Variants in DNAH7 observed in about 807,000 individuals in gnomAD.
DNAH7 encodes the protein axonemal beta dynein heavy chain 7.
Under a neutral mutation model 444.6 loss-of-function variants are expected in DNAH7, and 397 were observed. That is an observed-to-expected ratio of 0.89 (90% confidence interval 0.82 to 0.97). The LOEUF is 0.97. DNAH7 is among the 50% of genes least tolerant of loss of function. The pLI, the probability that DNAH7 is intolerant of heterozygous loss-of-function variation, is 0.00. For synonymous variants in DNAH7, 1,636 were observed against 1,624.4 expected (o/e 1.01, Z -0.17); for missense variants, 4,902 against 4,800.8 (o/e 1.02, Z -0.62).
At chr2:196,024,368 A>G in intron 8 of DNAH7, 61 bp downstream of exon 8, 1 of 1,051,562 alleles carries the variant, frequency 9.5e-7, no homozygotes, top group East Asian at 2.8e-5. Context: ...ATAATTGGTG[A>G]TATAAACATA....
chr2:195,945,375 G>A (rs938645202), intron 19 of DNAH7, among the ~76,000 whole-genome samples: 1 of 152,162 alleles, frequency 6.6e-6, no homozygotes, highest in African/African-American at 2.4e-5. Context: ...AGTTCACTGG[G>A]TGGGATCAGG....
intron 58 of DNAH7, among the ~76,000 whole-genome samples, chr2:195,781,816 TATAATA>T (rs1254970806): frequency 6.6e-6 from 1 of 152,150 alleles, no homozygotes; most frequent in African/African-American, 2.4e-5. Context: ...ATATGTACAC[TATAATA>T]ATGTTTTTGA....
chr2:196,060,053 A>G (rs1373653236), intron 1 of DNAH7, among the ~76,000 whole-genome samples: 1 of 152,246 alleles, frequency 6.6e-6, no homozygotes, highest in South Asian at 2.1e-4. Flanking sequence ...GTCCGTACTA[A>G]AAATACAAAA....
chr2:196,059,219 T>C (rs570853575), intron 1 of DNAH7, among the ~76,000 whole-genome samples: 18 of 152,316 alleles, frequency 1.2e-4, no homozygotes, highest in African/African-American at 3.6e-4. Flanking sequence ...ATTCTGGTTT[T>C]TCCCCCCGCA....
Position 195,987,139 on chromosome 2 carries a change from C to G in DNAH7, c.1681G>C (p.Val561Leu). The change falls in exon 14 of 65, where the codon GTG becomes CTG. Residue 561 changes from valine (V) to leucine (L), a missense_variant. Val to Leu is a conservative substitution (Grantham distance 32, BLOSUM62 1). Coordinates refer to ENST00000312428, the MANE Select transcript of DNAH7 (RefSeq NM_018897.3). ...MHCEELIRAL[V>L]KRADIICGKL... ...CCACAAATAATATCTGCTCGCTTCA[C>G]CAAAGCTCTGATTAATTCCTCACAG... The G allele has an allele frequency of 6.2e-7, 1 of 1,608,130 alleles. No individual in the cohort carries two copies. Among genetic ancestry groups the G allele is most frequent in the Non-Finnish European group, 8.5e-7 (1 of 1,177,798 alleles).
At chr2:195,976,779 G>T (rs1325230964) in intron 15 of DNAH7, among the ~76,000 whole-genome samples, 1 of 148,692 alleles carries the variant, frequency 6.7e-6, no homozygotes, top group Non-Finnish European at 1.5e-5. Flanking sequence ...GAGAGAGAGA[G>T]AGAGAGAGAC....
chr2:195,943,206 T>C (rs942873937), intron 19 of DNAH7, among the ~76,000 whole-genome samples: 1 of 152,204 alleles, frequency 6.6e-6, no homozygotes, highest in Non-Finnish European at 1.5e-5. Flanking sequence ...TTACCTGGTC[T>C]CAGGCATGTC....
chr2:196,029,861 A>T (rs1226086433), intron 5 of DNAH7, among the ~76,000 whole-genome samples: 3 of 151,798 alleles, frequency 2.0e-5, no homozygotes, highest in African/African-American at 7.3e-5. Context: ...AACTATATTT[A>T]TTTTTTTTTC....
At chr2:195,889,703 A>G (rs1054209732) in intron 31 of DNAH7, among the ~76,000 whole-genome samples, 12 of 152,334 alleles carry the variant, frequency 7.9e-5, no homozygotes, top group African/African-American at 2.9e-4. Flanking sequence ...GGAAAAACAA[A>G]ATTATTCAGA....
At chr2:195,959,665 T>C (rs901477262) in intron 18 of DNAH7, among the ~76,000 whole-genome samples, 1 of 152,208 alleles carries the variant, frequency 6.6e-6, no homozygotes, top group African/African-American at 2.4e-5. Context: ...AGGTAATATA[T>C]AGCCTGCCTA....
intron 27 of DNAH7, chr2:195,901,287 C>T (rs958161705): frequency 9.9e-5 from 15 of 151,906 alleles, no homozygotes; most frequent in South Asian, 4.2e-4. Flanking sequence ...TTATGTTTGT[C>T]AATCATACTT....
chr2:195,907,848 T>C (rs1559210994), intron 25 of DNAH7, among the ~76,000 whole-genome samples: 1 of 152,118 alleles, frequency 6.6e-6, no homozygotes, highest in Admixed American at 6.6e-5. Context: ...CAAAGAATAG[T>C]ACATTCTCAT....
At chr2:195,997,762 T>G (rs1693789694) in intron 12 of DNAH7, among the ~76,000 whole-genome samples, 1 of 152,186 alleles carries the variant, frequency 6.6e-6, no homozygotes, top group African/African-American at 2.4e-5. Context: ...TTTCTGCAAT[T>G]GTTGTCAAAG....
chr2:195,964,530 T>G (rs1574900166), intron 17 of DNAH7, among the ~76,000 whole-genome samples: 2 of 149,232 alleles, frequency 1.3e-5, no homozygotes, highest in East Asian at 3.9e-4. Flanking sequence ...CTAATAGTTT[T>G]TTTTTTTTTT....
intron 3 of DNAH7, 65 bp from the exon 4 acceptor site, chr2:196,048,469 G>T: frequency 7.5e-7 from 1 of 1,335,302 alleles, no homozygotes; most frequent in Non-Finnish European, 1.1e-6. Context: ...TCCATGAAAT[G>T]CACGAGTGTT....
At chr2:195,749,173 A>C (rs1693624492) in intron 63 of DNAH7, among the ~76,000 whole-genome samples, 1 of 152,250 alleles carries the variant, frequency 6.6e-6, no homozygotes, top group African/African-American at 2.4e-5. Flanking sequence ...TGCGTGAAGG[A>C]CATGAAAAAA....
intron 12 of DNAH7, among the ~76,000 whole-genome samples, chr2:195,999,897 G>A (rs1481256611): frequency 1.3e-5 from 2 of 152,094 alleles, no homozygotes; most frequent in African/African-American, 4.8e-5. Flanking sequence ...AAACAGACAA[G>A]TAGTAAGCCT....
chr2:195,874,921 G>T (rs988583730), intron 38 of DNAH7, among the ~76,000 whole-genome samples: 3 of 152,106 alleles, frequency 2.0e-5, no homozygotes, highest in African/African-American at 4.8e-5. Context: ...TAAAGGTCAG[G>T]GTTAGGGAGC....
At chr2:196,026,703 A>C (rs1695709598) in intron 7 of DNAH7, 57 bp downstream of exon 7, 2 of 1,256,850 alleles carry the variant, frequency 1.6e-6, no homozygotes, top group Non-Finnish European at 2.2e-6. Context: ...TAATACAAAA[A>C]TAATCTTTAA....
Sources: gnomAD v4.1 joint callset for allele counts (sites outside exome capture counted in the v4.1 genomes callset) on GRCh38, gnomAD v4.1.1 for gene constraint, MANE v1.5 for transcripts, NCBI Gene and HGNC (gene_info 2026-07-23, HGNC 2026-07-21) for gene names.